B3GALT1: variants seen among roughly 807,000 people sequenced by gnomAD.
B3GALT1 encodes beta-1,3-galactosyltransferase 1, also known as UDP-Gal:betaGlcNAc beta 1,3-galactosyltransferase, polypeptide 1.
Under a neutral mutation model 23.2 loss-of-function variants are expected in B3GALT1, and 10 were observed. The ratio of observed to expected loss-of-function variants is 0.43; its 90% confidence interval spans 0.27 to 0.73. The LOEUF is 0.73. Among genes scored for constraint, B3GALT1 ranks in the 30% least tolerant of loss-of-function variants. The pLI, the probability that B3GALT1 is intolerant of heterozygous loss-of-function variation, is 0.21. For synonymous variants in B3GALT1, 156 were observed against 141.5 expected (o/e 1.10, Z -0.73); for missense variants, 299 against 405.4 (o/e 0.74, Z 2.25).
At chr2:167,638,188 T>C (rs900895836) in intron 2 of B3GALT1, among the ~76,000 whole-genome samples, 1 of 152,040 alleles carries the variant, frequency 6.6e-6, no homozygotes, top group Non-Finnish European at 1.5e-5. Context: ...ATTTGAAAAT[T>C]AAGCTCAGAG....
chr2:167,339,468 C>T (rs1364468732), intron 1 of B3GALT1, among the ~76,000 whole-genome samples: 1 of 151,850 alleles, frequency 6.6e-6, no homozygotes, highest in African/African-American at 2.4e-5. Context: ...AAAGTAAATA[C>T]TAAATCCAAC....
intron 2 of B3GALT1, among the ~76,000 whole-genome samples, chr2:167,643,942 C>T (rs980537439): frequency 2.2e-4 from 33 of 152,114 alleles, no homozygotes; most frequent in Non-Finnish European, 2.9e-5. Flanking sequence ...TTGTCTTTAC[C>T]TCTCTCTGTC....
At chr2:167,572,974 GTTGAA>G (rs1386829824) in intron 2 of B3GALT1, among the ~76,000 whole-genome samples, 2 of 151,746 alleles carry the variant, frequency 1.3e-5, no homozygotes, top group African/African-American at 2.4e-5. Flanking sequence ...AAGAGACATT[GTTGAA>G]TTGAAGCTTC....
At chr2:167,577,932 A>G (rs932752684) in intron 2 of B3GALT1, among the ~76,000 whole-genome samples, 1 of 151,944 alleles carries the variant, frequency 6.6e-6, no homozygotes, top group African/African-American at 2.4e-5. Context: ...CTGCCCCTGT[A>G]GTCCTATTAG....
At chr2:167,454,286 G>A (rs1236748825) in intron 1 of B3GALT1, among the ~76,000 whole-genome samples, 3 of 152,166 alleles carry the variant, frequency 2.0e-5, no homozygotes, top group Admixed American at 6.5e-5. Flanking sequence ...AACTATATGC[G>A]AATAGGATGT....
At chr2:167,868,696 T>G (rs1484842628) in intron 4 of B3GALT1, among the ~76,000 whole-genome samples, 115 bp from the exon 5 acceptor site, 1 of 152,190 alleles carries the variant, frequency 6.6e-6, no homozygotes, top group Non-Finnish European at 1.5e-5. Flanking sequence ...TGGAAATGAA[T>G]GATCATGTGT....
At chr2:167,449,606 C>G (rs1188137730) in intron 1 of B3GALT1, among the ~76,000 whole-genome samples, 1 of 152,138 alleles carries the variant, frequency 6.6e-6, no homozygotes, top group Non-Finnish European at 1.5e-5. Flanking sequence ...TCTGATTGCT[C>G]TGGCTAGGAT....
chr2:167,813,502 C>T (rs956311923), intron 3 of B3GALT1, among the ~76,000 whole-genome samples: 5 of 152,116 alleles, frequency 3.3e-5, no homozygotes, highest in African/African-American at 7.2e-5. Context: ...GGACAACTTC[C>T]CCCCCATTTT....
intron 2 of B3GALT1, among the ~76,000 whole-genome samples, chr2:167,494,187 T>C (rs1699746761): frequency 6.6e-6 from 1 of 152,096 alleles, no homozygotes; most frequent in Admixed American, 6.6e-5. Flanking sequence ...TGTCTAAGAT[T>C]ACAGCATTTT....
intron 1 of B3GALT1, among the ~76,000 whole-genome samples, chr2:167,390,116 A>G (rs1559082728): frequency 1.3e-5 from 2 of 152,098 alleles, no homozygotes; most frequent in Non-Finnish European, 2.9e-5. Flanking sequence ...CGAACCCTTC[A>G]CTGCACTCTA....
intron 4 of B3GALT1, among the ~76,000 whole-genome samples, chr2:167,824,406 CAAGAT>C (rs1689172312): frequency 1.3e-5 from 2 of 152,278 alleles, no homozygotes; most frequent in South Asian, 4.1e-4. Flanking sequence ...ATATAGGAGT[CAAGAT>C]AAGAGATACC....
At chr2:167,806,617 T>A (rs1392718140) in intron 3 of B3GALT1, among the ~76,000 whole-genome samples, 1 of 152,190 alleles carries the variant, frequency 6.6e-6, no homozygotes, top group Non-Finnish European at 1.5e-5. Context: ...CTGGATTACG[T>A]TTATTGATTT....
chr2:167,486,908 T>G (rs941553856), intron 1 of B3GALT1, among the ~76,000 whole-genome samples: 1 of 152,188 alleles, frequency 6.6e-6, no homozygotes, highest in Admixed American at 6.5e-5. Context: ...TTCTGTTATG[T>G]TAACTCCTTT....
chr2:167,857,053 C>T (rs955297596), intron 4 of B3GALT1, among the ~76,000 whole-genome samples: 2 of 152,076 alleles, frequency 1.3e-5, no homozygotes, highest in Admixed American at 6.6e-5. Flanking sequence ...AAAACATTTC[C>T]AAAGAGTTTT....
chr2:167,460,392 CCTT>C (rs1699240783), intron 1 of B3GALT1, among the ~76,000 whole-genome samples: 2 of 152,050 alleles, frequency 1.3e-5, no homozygotes, highest in Non-Finnish European at 1.5e-5. Context: ...GCCTTTGACT[CCTT>C]CTGGTGAATT....
Position 167,495,669 on chromosome 2 carries a change from A to G in B3GALT1, c.-410+5392A>G, listed in dbSNP as rs140760851. ...CTTACCAATCAAAAGTATAAGCCCTATACCCCTTCCCCAGAGTCCCAGATC... is the reference window on the plus strand; with the variant it reads ...CTTACCAATCAAAAGTATAAGCCCTGTACCCCTTCCCCAGAGTCCCAGATC... On this transcript the variant is annotated intron_variant, in intron 2 of 4. Coordinates refer to ENST00000392690, the MANE Select transcript of B3GALT1 (RefSeq NM_020981.4). 2.6e-5 allele frequency among the ~76,000 whole-genome samples: 4 copies of G among 152,154 alleles called. No individual in the cohort carries two copies. In the East Asian group the frequency reaches 7.8e-4, roughly 30 times the overall value.
intron 2 of B3GALT1, among the ~76,000 whole-genome samples, chr2:167,562,039 C>G (rs371921838): frequency 6.6e-6 from 1 of 152,180 alleles, no homozygotes; most frequent in African/African-American, 2.4e-5. Context: ...TTGATGAACA[C>G]TGATGCAAAA....
chr2:167,324,415 TAG>T (rs1012536685), intron 1 of B3GALT1, among the ~76,000 whole-genome samples: 1 of 152,078 alleles, frequency 6.6e-6, no homozygotes, highest in African/African-American at 2.4e-5. Flanking sequence ...TAATAGATGG[TAG>T]AGTGTCAGGC....
chr2:167,741,025 C>G (rs952740496), intron 3 of B3GALT1, among the ~76,000 whole-genome samples: 2 of 152,146 alleles, frequency 1.3e-5, no homozygotes, highest in East Asian at 1.9e-4. Context: ...GAATAGAGAA[C>G]AGAAATTGGA....
Sources: allele counts gnomAD v4.1 joint callset (sites outside exome capture counted in the v4.1 genomes callset), GRCh38; gene constraint gnomAD v4.1.1; transcripts MANE v1.5; gene names NCBI Gene and HGNC (gene_info 2026-07-23, HGNC 2026-07-21).